Variants in SHISA9 observed in about 807,000 individuals in gnomAD.
SHISA9 encodes the protein shisa family member 9.
Under a neutral mutation model 38.0 loss-of-function variants are expected in SHISA9, and 13 were observed. The observed-to-expected ratio is 0.34, with a 90% CI of 0.22 to 0.54. The LOEUF (loss-of-function observed/expected upper bound fraction) is 0.54, where lower values mean the gene tolerates loss of function less well. Ranked by LOEUF, SHISA9 falls within the 20% of genes least tolerant of loss-of-function variation. SHISA9 has a pLI of 0.91. For synonymous variants in SHISA9, 275 were observed against 242.0 expected, an observed-to-expected ratio of 1.14 and a Z score of -1.27; for missense variants, 538 against 575.8, an observed-to-expected ratio of 0.93 and a Z score of 0.67.
chr16:13,348,636 C>T, the SHISA9 span, among the ~76,000 whole-genome samples: 1 of 151,668 alleles, frequency 6.6e-6, no homozygotes, highest in Non-Finnish European at 1.5e-5. Context: ...TGAATGGCTG[C>T]TGCTTGATGG....
At chr16:13,149,208 G>T (rs898531789) in intron 2 of SHISA9, among the ~76,000 whole-genome samples, 1 of 152,168 alleles carries the variant, frequency 6.6e-6, no homozygotes, top group African/African-American at 2.4e-5. Context: ...CTTGCCATAT[G>T]CTCCTTCTGA....
At chr16:13,299,717 A>AC in the SHISA9 span, among the ~76,000 whole-genome samples, 1 of 151,738 alleles carries the variant, frequency 6.6e-6, no homozygotes, top group Non-Finnish European at 1.5e-5. Context: ...TGTCAAAAAA[A>AC]AAAAAAACAA....
intron 2 of SHISA9, among the ~76,000 whole-genome samples, chr16:13,114,625 AT>A (rs1303296334): frequency 6.6e-6 from 1 of 152,130 alleles, no homozygotes; most frequent in Non-Finnish European, 1.5e-5. Context: ...TACATTACAG[AT>A]AATGTTTAAA....
At chr16:12,955,292 C>A (rs922961794) in intron 2 of SHISA9, among the ~76,000 whole-genome samples, 2 of 152,084 alleles carry the variant, frequency 1.3e-5, no homozygotes, top group Non-Finnish European at 2.9e-5. Flanking sequence ...TCCTCATTTT[C>A]TTGCCAAGTG....
intron 2 of SHISA9, among the ~76,000 whole-genome samples, chr16:13,187,768 G>T (rs185753331): frequency 9.8e-4 from 150 of 152,302 alleles, no homozygotes; most frequent in Non-Finnish European, 1.7e-3. Context: ...AAAATGGGGA[G>T]ATTTGCACCC....
At chr16:13,541,960 G>C in the SHISA9 span, among the ~76,000 whole-genome samples, 1 of 152,180 alleles carries the variant, frequency 6.6e-6, no homozygotes, top group Non-Finnish European at 1.5e-5. Context: ...TTTGAAAATA[G>C]GGTTTTTGCT....
intron 2 of SHISA9, among the ~76,000 whole-genome samples, chr16:13,151,637 A>G (rs1216085764): frequency 6.6e-6 from 1 of 152,190 alleles, no homozygotes; most frequent in African/African-American, 2.4e-5. Context: ...TGAATTCATA[A>G]TTTACAAACT....
At chr16:13,157,059 C>T (rs2050553680) in intron 2 of SHISA9, among the ~76,000 whole-genome samples, 1 of 152,084 alleles carries the variant, frequency 6.6e-6, no homozygotes, top group African/African-American at 2.4e-5. Flanking sequence ...TTCTGTGTTC[C>T]ACTCTTTCTT....
the SHISA9 span, among the ~76,000 whole-genome samples, chr16:13,284,262 GTGC>G: frequency 6.6e-6 from 1 of 152,016 alleles, no homozygotes; most frequent in South Asian, 2.1e-4. Context: ...TCACAATCTC[GTGC>G]TGCCTGTTTT....
At chr16:13,419,762 G>A in the SHISA9 span, among the ~76,000 whole-genome samples, 17 of 152,222 alleles carry the variant, frequency 1.1e-4, no homozygotes, top group South Asian at 1.7e-3. Context: ...CATAAACAAG[G>A]CATAAACAAA....
At chr16:13,560,174 C>T in the SHISA9 span, among the ~76,000 whole-genome samples, 2 of 152,202 alleles carry the variant, frequency 1.3e-5, no homozygotes, top group Middle Eastern at 3.2e-3. Context: ...TGGTTTCTCT[C>T]ACTAGCAAAC....
the SHISA9 span, among the ~76,000 whole-genome samples, chr16:13,476,112 C>T: frequency 6.6e-6 from 1 of 152,120 alleles, no homozygotes; most frequent in South Asian, 2.1e-4. Context: ...TTTTTCCTCC[C>T]AGTAAACATA....
intron 2 of SHISA9, among the ~76,000 whole-genome samples, chr16:13,054,635 C>T (rs1025937169): frequency 6.6e-6 from 1 of 152,130 alleles, no homozygotes; most frequent in African/African-American, 2.4e-5. Flanking sequence ...TGTTAAACTC[C>T]TCTTGAGATG....
At chr16:13,105,854 T>G (rs1347885280) in intron 2 of SHISA9, among the ~76,000 whole-genome samples, 1 of 152,144 alleles carries the variant, frequency 6.6e-6, no homozygotes, top group African/African-American at 2.4e-5. Context: ...ACATTGAGCA[T>G]GTTGAAGTTG....
chr16:13,465,930 G>C, the SHISA9 span, among the ~76,000 whole-genome samples: 1 of 152,240 alleles, frequency 6.6e-6, no homozygotes, highest in African/African-American at 2.4e-5. Context: ...TAGCCACAGA[G>C]TTGGCTAGTA....
Position 13,172,400 on chromosome 16 carries a change from G to T in SHISA9, c.692-30994G>T, listed in dbSNP as rs147959781. Among the ~76,000 whole-genome samples, 20 of 152,320 alleles carry T rather than the reference G, an allele frequency of 1.3e-4. 1 individual carries two copies. In the East Asian group the frequency reaches 3.9e-3, roughly 29 times the overall value. ...TAGGAATAGATACTAAATAAAGCCA[G>T]GTAACTGGCTGGTTGTTCATCCTCA... On this transcript the variant is annotated intron_variant, in intron 2 of 4. Transcript: ENST00000558583.
At chr16:12,922,737 C>T (rs186985572) in intron 2 of SHISA9, among the ~76,000 whole-genome samples, 32 of 152,290 alleles carry the variant, frequency 2.1e-4, no homozygotes, top group Admixed American at 1.6e-3. Context: ...CCAGGCTGGT[C>T]TTGAACTCCT....
At chr16:13,393,705 G>C in the SHISA9 span, among the ~76,000 whole-genome samples, 5,445 of 152,280 alleles carry the variant, frequency 0.036, 197 homozygotes, top group East Asian at 0.2. Flanking sequence ...AGGTAGTACA[G>C]CTCTGGGACT....
At chr16:13,108,919 C>T (rs1041041401) in intron 2 of SHISA9, among the ~76,000 whole-genome samples, 3 of 152,232 alleles carry the variant, frequency 2.0e-5, no homozygotes, top group East Asian at 1.9e-4. Flanking sequence ...CCTTCCAGAG[C>T]GTGCTGAGCA....
Sources: gnomAD v4.1 joint callset for allele counts (sites outside exome capture counted in the v4.1 genomes callset) on GRCh38, gnomAD v4.1.1 for gene constraint, MANE v1.5 for transcripts, NCBI Gene and HGNC (gene_info 2026-07-23, HGNC 2026-07-21) for gene names.